The following KCNIP4 variants were observed in gnomAD, a reference collection of about 807,000 sequenced individuals.
KCNIP4 encodes potassium voltage-gated channel interacting protein 4, also known as Kv channel-interacting protein 4.
A neutral mutation model predicts 34.0 loss-of-function variants in KCNIP4; 12 were observed. That is an observed-to-expected ratio of 0.35 (90% CI 0.23 to 0.57). The LOEUF (loss-of-function observed/expected upper bound fraction) is 0.57, where lower values mean the gene tolerates loss of function less well. Ranked by LOEUF, KCNIP4 falls within the 20% of genes least tolerant of loss-of-function variation. The pLI, the probability that KCNIP4 is intolerant of heterozygous loss-of-function variation, is 0.83. For synonymous variants in KCNIP4, 124 were observed against 102.2 expected (o/e 1.21, Z -1.29); for missense variants, 238 against 311.7 (o/e 0.76, Z 1.78).
chr4:20,797,330 G>A (rs1713605900), intron 3 of KCNIP4, among the ~76,000 whole-genome samples: 2 of 152,130 alleles, frequency 1.3e-5, no homozygotes, highest in Non-Finnish European at 2.9e-5. Flanking sequence ...GCATGCCTGA[G>A]AATATCTAGC....
chr4:21,357,947 A>G (rs1718814815), intron 1 of KCNIP4, among the ~76,000 whole-genome samples: 1 of 152,218 alleles, frequency 6.6e-6, no homozygotes, highest in South Asian at 2.1e-4. Flanking sequence ...AGACTGGATT[A>G]ATAAAATGTG....
At chr4:21,813,176 C>G (rs1194453930) in intron 1 of KCNIP4, among the ~76,000 whole-genome samples, 1 of 152,082 alleles carries the variant, frequency 6.6e-6, no homozygotes, top group African/African-American at 2.4e-5. Context: ...TCTACTTTCC[C>G]TTTTTAGAAC....
Position 21,415,466 on chromosome 4 carries a change from C to T in KCNIP4, c.62-532757G>A, listed in dbSNP as rs1385000996. Among the ~76,000 whole-genome samples, 4 of 150,884 alleles carry T rather than the reference C, an allele frequency of 2.7e-5. No individual in the cohort carries two copies. In the East Asian group the frequency reaches 7.8e-4, roughly 29 times the overall value. ...GGACACATTAGGAGGCTGAGGCAGG[C>T]AGATCACCTTAGGTCAGGAGTTCGA... On this transcript the variant is annotated intron_variant, in intron 1 of 8. Transcript: ENST00000382152.
chr4:20,749,588 C>T (rs1753207279), intron 5 of KCNIP4, 74 bp downstream of exon 5: 2 of 1,067,546 alleles, frequency 1.9e-6, no homozygotes, highest in East Asian at 2.6e-5. Context: ...ATAATCATCA[C>T]CAAACTCACA....
chr4:20,993,316 C>T (rs1264155388), intron 1 of KCNIP4, among the ~76,000 whole-genome samples: 2 of 151,986 alleles, frequency 1.3e-5, no homozygotes, highest in East Asian at 1.9e-4. Context: ...CAGGAAAATC[C>T]CAGAGAAAGA....
At chr4:20,869,386 T>G (rs563801081) in intron 2 of KCNIP4, among the ~76,000 whole-genome samples, 42 of 152,178 alleles carry the variant, frequency 2.8e-4, no homozygotes, top group African/African-American at 8.7e-4. Context: ...TAGAATAAGG[T>G]AACTGTGGGC....
chr4:21,189,609 G>A (rs1047184566), intron 1 of KCNIP4, among the ~76,000 whole-genome samples: 3 of 152,194 alleles, frequency 2.0e-5, no homozygotes, highest in Non-Finnish European at 4.4e-5. Flanking sequence ...TGATAGGTGT[G>A]TAGGGAAGCA....
At chr4:21,669,725 AC>A (rs1749324673) in intron 1 of KCNIP4, among the ~76,000 whole-genome samples, 3 of 152,198 alleles carry the variant, frequency 2.0e-5, no homozygotes, top group Admixed American at 2.0e-4. Flanking sequence ...TCTAATAATT[AC>A]ATACCATTTT....
At chr4:21,765,841 A>AAG (rs1278123182) in intron 1 of KCNIP4, among the ~76,000 whole-genome samples, 3 of 144,080 alleles carry the variant, frequency 2.1e-5, no homozygotes, top group African/African-American at 7.9e-5. Context: ...AAAAAAAAAC[A>AAG]AACTGAAGAT....
intron 1 of KCNIP4, among the ~76,000 whole-genome samples, chr4:21,370,017 C>T (rs527325286): frequency 1.7e-4 from 25 of 146,632 alleles, no homozygotes; most frequent in South Asian, 1.5e-3. Context: ...TTATTAGAGA[C>T]GGGGTTTCAC....
intron 1 of KCNIP4, among the ~76,000 whole-genome samples, chr4:21,549,745 G>A (rs1246359400): frequency 3.9e-5 from 6 of 151,974 alleles, no homozygotes; most frequent in African/African-American, 1.2e-4. Context: ...ACAGTAAAGG[G>A]AGCCTGGATT....
In KCNIP4 at chr4:20,821,445, C is replaced by T. The variant is rs201556297; in HGVS notation, c.288+29098G>A. ...TTGTACCTTGAGTCTCATCCATATC[C>T]GAGTTAGATCATATTTACAGGAGAC... On this transcript the variant is annotated intron_variant, in intron 3 of 8. Coordinates refer to ENST00000382152, the MANE Select transcript of KCNIP4 (RefSeq NM_025221.6). Among the ~76,000 whole-genome samples, 12 of 152,048 alleles carry T rather than the reference C, an allele frequency of 7.9e-5. No homozygotes were observed. In the South Asian group the frequency reaches 8.3e-4, roughly 11 times the overall value.
Position 21,694,935 on chromosome 4 carries a change from AATAAATAAAT to A in KCNIP4, c.61+253626_61+253635del, listed in dbSNP as rs376375842. 2.0e-3 allele frequency among the ~76,000 whole-genome samples: 122 copies of A among 59,636 alleles called. 9 individuals carry two copies. The highest frequency in any genetic ancestry group is 4.6e-3 in the Non-Finnish European group (96 of 21,094). 39.1% of individuals were successfully genotyped at this position (59,636 alleles called of 152,430 possible). A position where few individuals can be genotyped will look rare whatever the true frequency, so the allele number is the denominator to read the frequency against. ...TGACCAAAAAAAAAAAAAAAATAAAAATAAATAAATAAATAAAGGGCTTTTTGGTAAAAAG... is the reference window on the plus strand; with the variant it reads ...TGACCAAAAAAAAAAAAAAAATAAAAAAATAAAGGGCTTTTTGGTAAAAAG... On this transcript the variant is annotated intron_variant, in intron 1 of 8. Coordinates refer to ENST00000382152, the MANE Select transcript of KCNIP4 (RefSeq NM_025221.6).
chr4:20,851,639 C>T (rs1003430843), intron 2 of KCNIP4, among the ~76,000 whole-genome samples: 1 of 152,172 alleles, frequency 6.6e-6, no homozygotes, highest in Non-Finnish European at 1.5e-5. Context: ...AACTAATTCA[C>T]ACTCCCACCA....
At chr4:20,929,637 C>A (rs1271092379) in intron 1 of KCNIP4, among the ~76,000 whole-genome samples, 3 of 151,824 alleles carry the variant, frequency 2.0e-5, no homozygotes, top group Non-Finnish European at 4.4e-5. Flanking sequence ...ATGTAGAAAA[C>A]CCTAAAGATT....
rs1305532424 is a variant in KCNIP4 at position 20,729,555 on chromosome 4, AAACTGG to A, written c.*521_*526del. On this transcript the variant is annotated 3_prime_UTR_variant, in exon 9 of 9. Transcript: ENST00000382152. ...CTAACAGAAGGTGGGAAGGCCATAGAAACTGGAACTATGTGTTTTTTTAATTGTTGT... is the reference window on the plus strand; with the variant it reads ...CTAACAGAAGGTGGGAAGGCCATAGAAACTATGTGTTTTTTTAATTGTTGT... 6 of 151,444 alleles carry A rather than the reference AAACTGG, an allele frequency of 4.0e-5. No individual in the cohort carries two copies. The highest frequency in any genetic ancestry group is 1.5e-4 in the African/African-American group (6 of 41,368). The allele number at this position is 151,444 out of a possible 1,614,324, so 9.4% of individuals were successfully genotyped here.
At chr4:21,458,071 C>T (rs1412797434) in intron 1 of KCNIP4, among the ~76,000 whole-genome samples, 1 of 151,218 alleles carries the variant, frequency 6.6e-6, no homozygotes, top group Non-Finnish European at 1.5e-5. Context: ...TATACATGTG[C>T]CATGCTGGTG....
intron 1 of KCNIP4, among the ~76,000 whole-genome samples, chr4:21,812,007 A>G (rs1381122681): frequency 1.3e-5 from 2 of 152,234 alleles, no homozygotes; most frequent in African/African-American, 4.8e-5. Context: ...AAGCTGAAAT[A>G]TTTACAAGCA....
intron 1 of KCNIP4, among the ~76,000 whole-genome samples, chr4:21,116,966 TAA>T (rs1749725818): frequency 6.6e-6 from 1 of 152,222 alleles, no homozygotes; most frequent in Non-Finnish European, 1.5e-5. Context: ...AATATCATTA[TAA>T]TTAATTAAAA....
Sources: gnomAD v4.1 joint callset for allele counts (sites outside exome capture counted in the v4.1 genomes callset) on GRCh38, gnomAD v4.1.1 for gene constraint, MANE v1.5 for transcripts, NCBI Gene and HGNC (gene_info 2026-07-23, HGNC 2026-07-21) for gene names.